Variants in MSH6 observed in about 807,000 individuals in gnomAD.
MSH6 encodes the protein mutS homolog 6.
Under a neutral mutation model 119.1 loss-of-function variants are expected in MSH6, and 85 were observed. The observed-to-expected ratio is 0.71, with a 90% CI of 0.60 to 0.85. The LOEUF (loss-of-function observed/expected upper bound fraction) is 0.85. Among genes scored for constraint, MSH6 ranks in the 40% least tolerant of loss-of-function variants. The pLI, the probability that MSH6 is intolerant of heterozygous loss-of-function variation, is 0.00. For synonymous variants in MSH6, 830 were observed against 586.9 expected (o/e 1.41, Z -5.99); for missense variants, 2,163 against 1,655.3 (o/e 1.31, Z -5.32).
At chr2:47,795,579 C>T (rs1327858257) in intron 2 of MSH6, among the ~76,000 whole-genome samples, 1 of 151,748 alleles carries the variant, frequency 6.6e-6, no homozygotes, top group Non-Finnish European at 1.5e-5. Flanking sequence ...GATCTTCCCA[C>T]CTCAGCCTCC....
rs267608068 is a variant in MSH6, at chr2:47,800,044, T to A, written c.2061T>A (p.Cys687Ter). 1.2e-6 allele frequency: 2 copies of A among 1,614,144 alleles called. No individual in the cohort carries two copies. The highest frequency in any genetic ancestry group is 8.5e-7 in the Non-Finnish European group (1 of 1,180,020). The change falls in exon 4 of 10, where the codon TGT becomes TGA. Residue 687 changes from cysteine to a stop codon, truncating the protein, a stop_gained. Transcript: ENST00000234420. LOFTEE classifies it high-confidence loss of function. ...SELALSALGGCVFYLKKCLID... is the reference protein window; with the variant it reads ...SELALSALGG Reference sequence around the variant, plus strand: ...TGGCCCTCTCTGCTCTAGGTGGTTGTGTCTTCTACCTCAAAAAATGCCTTA... The same window carrying A: ...TGGCCCTCTCTGCTCTAGGTGGTTGAGTCTTCTACCTCAAAAAATGCCTTA...
At position 47,783,406 on chromosome 2, in the gene MSH6, G is replaced by A. The variant is rs1064795187; in HGVS notation, c.173G>A (p.Arg58Lys). 2 of 1,532,920 alleles carry A rather than the reference G, an allele frequency of 1.3e-6. 1 individual carries two copies. Among genetic ancestry groups the A allele is most frequent in the South Asian group, 2.4e-5 (2 of 82,456 alleles). The allele number at this position is 1,532,920 out of a possible 1,614,324, so 95.0% of individuals were successfully genotyped here. ...AAWSEAGPGP[R>K]PLARSASPPK... ...TGGAGCGAGGCTGGGCCTGGGCCCA[G>A]GCCCTTGGCGCGCTCCGCGTCACCG... The change falls in exon 1 of 10, where the codon AGG becomes AAG. Residue 58 changes from arginine (R) to lysine (K), a missense_variant. Transcript: ENST00000234420.
downstream of MSH6, chr2:47,809,974 T>G: frequency 2.0e-6 from 1 of 495,406 alleles, no homozygotes; most frequent in Non-Finnish European, 3.6e-6. Flanking sequence ...TTGCATCCAT[T>G]TTAACATCTC....
intron 3 of MSH6, among the ~76,000 whole-genome samples, chr2:47,796,864 G>A (rs1422414825): frequency 6.6e-6 from 1 of 152,182 alleles, no homozygotes. Context: ...GGGAGGCTGA[G>A]GCATGAGAAT....
In MSH6 at chr2:47,798,998, G is replaced by A. The variant is rs772760681; in HGVS notation, c.1015G>A (p.Ala339Thr). 1 of 1,614,234 alleles carries A rather than the reference G, an allele frequency of 6.2e-7. No homozygotes were observed. The highest frequency in any genetic ancestry group is 8.5e-7 in the Non-Finnish European group (1 of 1,180,048). ...ISSETKNTLR[A>T]FSAPQNSESQ... The stretch of plus-strand genomic sequence containing the variant: ...ATCAGAAACCAAGAATACTTTGAGA[G>A]CTTTCTCTGCCCCTCAAAATTCTGA... Residue 339 changes from alanine to threonine, a missense_variant, in exon 4 of 10, where the codon GCT becomes ACT. Coordinates refer to ENST00000234420, the MANE Select transcript of MSH6 (RefSeq NM_000179.3).
At position 47,798,755 on chromosome 2, in the gene MSH6, A is replaced by G. The variant is rs786202565; in HGVS notation, c.772A>G (p.Ile258Val). Reference sequence around the variant, plus strand: ...GGTCATATCAGATTCTGAGAGTGACATTGGTGGCTCTGATGTGGAATTTAA... The same window carrying G: ...GGTCATATCAGATTCTGAGAGTGACGTTGGTGGCTCTGATGTGGAATTTAA... ...RRVISDSESDIGGSDVEFKPD... is the reference protein window; with the variant it reads ...RRVISDSESDVGGSDVEFKPD... The change falls in exon 4 of 10, where the codon ATT becomes GTT. Residue 258 changes from isoleucine to valine, a missense_variant. Ile to Val is a conservative substitution (Grantham distance 29). Coordinates refer to ENST00000234420, the MANE Select transcript of MSH6 (RefSeq NM_000179.3). The G allele has an allele frequency of 3.1e-6, 5 of 1,614,212 alleles. No individual in the cohort carries two copies. The highest frequency in any genetic ancestry group is 4.2e-6 in the Non-Finnish European group (5 of 1,180,032).
At chr2:47,808,073 A>T (rs1163777226), downstream of MSH6, 4 of 1,525,008 alleles carry the variant, frequency 2.6e-6, no homozygotes, top group East Asian at 9.0e-5. Flanking sequence ...AAGTGTTTTA[A>T]GTTATGATGT....
At chr2:47,795,457 T>C (rs1159208081) in intron 2 of MSH6, among the ~76,000 whole-genome samples, 3 of 147,448 alleles carry the variant, frequency 2.0e-5, no homozygotes, top group South Asian at 2.2e-4. Flanking sequence ...TGTATACATA[T>C]ATACATTTTT....
chr2:47,799,394 G>C lies in MSH6; in HGVS notation c.1411G>C (p.Asp471His), dbSNP rs2104342133. 6.2e-7 allele frequency: 1 copy of C among 1,614,152 alleles called. No individual in the cohort carries two copies. The highest frequency in any genetic ancestry group is 1.1e-5 in the South Asian group (1 of 91,086). Residue 471 changes from aspartate (D) to histidine (H), a missense_variant, in exon 4 of 10, where the codon GAT (aspartate) becomes CAT (histidine). Coordinates refer to ENST00000234420, the MANE Select transcript of MSH6 (RefSeq NM_000179.3). The stretch of plus-strand genomic sequence containing the variant: ...TGAAATTGCATTTGGCCGTTATTCA[G>C]ATTCCCTGGTGCAGAAGGGCTATAA... The part of the protein sequence containing the change: ...FPEIAFGRYS[D>H]SLVQKGYKVA...
At chr2:47,808,477 A>C (rs1204812578), downstream of MSH6, 2 of 1,468,854 alleles carry the variant, frequency 1.4e-6, no homozygotes, top group African/African-American at 2.8e-5. Context: ...CATTAATGCA[A>C]AACATTCCAT....
At chr2:47,783,976 G>T in intron 1 of MSH6, 1 of 1,037,270 alleles carries the variant, frequency 9.6e-7, no homozygotes. Context: ...TGTGGGGTGC[G>T]AAAGGAGGTT....
Position 47,805,684 on chromosome 2 carries a change from C to G in MSH6, c.3623C>G (p.Ser1208Cys), listed in dbSNP as rs1572742021. Residue 1208 changes from serine (S) to cysteine (C), a missense_variant, in exon 7 of 10, where the codon TCT (serine) becomes TGT (cysteine). Coordinates refer to ENST00000234420, the MANE Select transcript of MSH6 (RefSeq NM_000179.3). Reference protein sequence around the residue: ...ASILMHATAHSLVLVDELGRG... With the variant: ...ASILMHATAHCLVLVDELGRG... Reference sequence around the variant, plus strand: ...ATACTCATGCATGCAACAGCACATTCTCTGGTGCTTGTGGATGAATTAGGT... The same window carrying G: ...ATACTCATGCATGCAACAGCACATTGTCTGGTGCTTGTGGATGAATTAGGT... The G allele has an allele frequency of 6.2e-7, 1 of 1,611,078 alleles. No individual in the cohort carries two copies.
At chr2:47,802,419 C>A (rs939783078) in intron 4 of MSH6, among the ~76,000 whole-genome samples, 3 of 152,118 alleles carry the variant, frequency 2.0e-5, no homozygotes, top group African/African-American at 7.2e-5. Flanking sequence ...CAGCCTCAAA[C>A]TGCTGGGTTC....
In MSH6 at chr2:47,799,258, C is replaced by A. The variant is rs786203122; in HGVS notation, c.1275C>A (p.Ile425=). 3.7e-6 allele frequency: 6 copies of A among 1,613,936 alleles called. No individual in the cohort carries two copies. The highest frequency in any genetic ancestry group is 4.2e-6 in the Non-Finnish European group (5 of 1,180,010). ...QIKSQNFDLV[I]CYKVGKFYEL... is the part of the protein sequence containing the mutation. Reference sequence around the variant, plus strand: ...AGTCTCAGAACTTTGATCTTGTCATCTGTTACAAGGTGGGGAAATTTTATG... The same window carrying A: ...AGTCTCAGAACTTTGATCTTGTCATATGTTACAAGGTGGGGAAATTTTATG... Residue 425 remains isoleucine (I), a synonymous_variant, in exon 4 of 10, where the codon ATC becomes ATA. Coordinates refer to ENST00000234420, the MANE Select transcript of MSH6 (RefSeq NM_000179.3).
chr2:47,803,332 A>G, intron 4 of MSH6, 88 bp from the exon 5 acceptor site: 1 of 1,526,518 alleles, frequency 6.6e-7, no homozygotes. Flanking sequence ...TTATAATGAA[A>G]TGTGTTATAT....
At chr2:47,802,402 C>G (rs765775128) in intron 4 of MSH6, among the ~76,000 whole-genome samples, 1 of 152,076 alleles carries the variant, frequency 6.6e-6, no homozygotes, top group Non-Finnish European at 1.5e-5. Context: ...GGATGACTAG[C>G]TCACTGCAGC....
At chr2:47,790,766 A>G (rs1019795226) in intron 1 of MSH6, among the ~76,000 whole-genome samples, 161 bp from the exon 2 acceptor site, 1 of 152,224 alleles carries the variant, frequency 6.6e-6, no homozygotes, top group Admixed American at 6.5e-5. Flanking sequence ...GCTTGCATAC[A>G]TTTTTTAAAT....
chr2:47,784,052 A>G lies in MSH6; in HGVS notation c.260+559A>G, dbSNP rs945199429. 4 of 1,013,486 alleles carry G rather than the reference A, an allele frequency of 3.9e-6. No individual in the cohort carries two copies. In the African/African-American group the frequency reaches 6.9e-5, roughly 17 times the overall value. 62.8% of individuals were successfully genotyped at this position (1,013,486 alleles called of 1,614,324 possible). ...TCGATCGAGGTAGACACTTAGAGGT[A>G]GTTAAGAGCCGCGGTCGCCGAGACG... is the stretch of plus-strand genomic sequence containing the variant. On this transcript the variant is annotated intron_variant, in intron 1 of 9. Transcript: ENST00000234420.
rs1558660372 is a variant in MSH6 at position 47,799,053 on chromosome 2, A to G, written c.1070A>G (p.Asp357Gly). 1 of 1,614,200 alleles carries G rather than the reference A, an allele frequency of 6.2e-7. No homozygotes were observed. Among genetic ancestry groups the G allele is most frequent in the Non-Finnish European group, 8.5e-7 (1 of 1,180,028 alleles). The change falls in exon 4 of 10, where the codon GAT becomes GGT. Residue 357 changes from aspartate to glycine, a missense_variant. Asp to Gly is a moderately conservative substitution (Grantham distance 94, BLOSUM62 -1). Coordinates refer to ENST00000234420, the MANE Select transcript of MSH6 (RefSeq NM_000179.3). ...CAAGCCCACGTTAGTGGAGGTGGTG[A>G]TGACAGTAGTCGCCCTACTGTTTGG... ...ESQAHVSGGG[D>G]DSSRPTVWYH... is the part of the protein sequence containing the mutation.
Sources: allele counts gnomAD v4.1 joint callset (sites outside exome capture counted in the v4.1 genomes callset), GRCh38; gene constraint gnomAD v4.1.1; transcripts MANE v1.5; gene names NCBI Gene and HGNC (gene_info 2026-07-23, HGNC 2026-07-21).